ASB4: variants seen among roughly 807,000 people sequenced by gnomAD.
The protein encoded by ASB4 is ankyrin repeat and SOCS box protein 4.
A neutral mutation model predicts 38.6 loss-of-function variants in ASB4; 35 were observed. That is an observed-to-expected ratio of 0.91 (90% CI 0.69 to 1.20). ASB4 has a LOEUF of 1.20. ASB4 is among the 50% of genes most tolerant of loss of function. The pLI is 0.00. For missense variants in ASB4, 557 were observed against 527.2 expected (o/e 1.06, Z -0.55); for synonymous variants, 195 against 201.3 (o/e 0.97, Z 0.26).
downstream of ASB4, among the ~76,000 whole-genome samples, chr7:95,544,715 G>T (rs1440240574): frequency 6.6e-6 from 1 of 151,882 alleles, no homozygotes; most frequent in Non-Finnish European, 1.5e-5. Flanking sequence ...ATTTTTTTGA[G>T]ATGGGGTCTC....
chr7:95,520,370 A>G (rs144766576), intron 2 of ASB4, among the ~76,000 whole-genome samples: 1 of 152,338 alleles, frequency 6.6e-6, no homozygotes, highest in African/African-American at 2.4e-5. Flanking sequence ...CTACAAACTC[A>G]GGTTTATTGG....
At position 95,491,485 on chromosome 7, in the gene ASB4, G is replaced by T. The variant is rs564746825; in HGVS notation, c.188-4273G>T. On this transcript the variant is annotated intron_variant, in intron 1 of 4. Coordinates refer to ENST00000325885, the MANE Select transcript of ASB4 (RefSeq NM_016116.3). ...AAAAGGGCAGCCTGAAGTCTGCAGA[G>T]GTGAGCAGAGGGGGGCTTTTGAAAG... Among the ~76,000 whole-genome samples the T allele has an allele frequency of 5.9e-5, 9 of 152,322 alleles. No individual in the cohort carries two copies. In the South Asian group the frequency reaches 1.9e-3, roughly 32 times the overall value.
chr7:95,527,221 G>T (rs1359284820), intron 2 of ASB4, among the ~76,000 whole-genome samples: 1 of 151,806 alleles, frequency 6.6e-6, no homozygotes, highest in African/African-American at 2.4e-5. Context: ...ACAGGCATAT[G>T]TGGTGGTGGT....
upstream of ASB4, among the ~76,000 whole-genome samples, chr7:95,482,514 T>C (rs1790028814): frequency 6.6e-6 from 1 of 152,150 alleles, no homozygotes; most frequent in Non-Finnish European, 1.5e-5. Context: ...ATGCAGACAC[T>C]TACAAAGACA....
At chr7:95,549,390 G>A in the ASB4 span, among the ~76,000 whole-genome samples, 4 of 142,954 alleles carry the variant, frequency 2.8e-5, 1 homozygote, top group South Asian at 6.8e-4. Context: ...TCCGCCTCCC[G>A]GGTTCACCCC....
chr7:95,501,928 G>T (rs886827818), intron 2 of ASB4, among the ~76,000 whole-genome samples: 2 of 152,110 alleles, frequency 1.3e-5, no homozygotes, highest in African/African-American at 4.8e-5. Context: ...TGTCATCAAA[G>T]GCCGAATTCA....
At chr7:95,480,504 A>G (rs900335445) in intron 1 of ASB4, among the ~76,000 whole-genome samples, 4 of 152,222 alleles carry the variant, frequency 2.6e-5, no homozygotes, top group African/African-American at 7.2e-5. Flanking sequence ...AGGTTAGGTC[A>G]CAAAAGATGT....
At chr7:95,489,183 C>T (rs1314436237) in intron 1 of ASB4, among the ~76,000 whole-genome samples, 1 of 152,190 alleles carries the variant, frequency 6.6e-6, no homozygotes, top group Admixed American at 6.5e-5. Context: ...CTAAATAGTG[C>T]TTCCCAAATT....
At chr7:95,523,870 T>C (rs117304132) in intron 2 of ASB4, among the ~76,000 whole-genome samples, 1,993 of 152,310 alleles carry the variant, frequency 0.013, 60 homozygotes, top group Admixed American at 0.056. Flanking sequence ...TATAAAAGCA[T>C]TGTTGGTCAG....
At chr7:95,531,690 C>T (rs1200157984) in intron 3 of ASB4, among the ~76,000 whole-genome samples, 2 of 152,138 alleles carry the variant, frequency 1.3e-5, no homozygotes, top group African/African-American at 2.4e-5. Context: ...GTGTGAGTCC[C>T]TGCCCAGAGA....
chr7:95,524,576 C>G (rs1281060434), intron 2 of ASB4, among the ~76,000 whole-genome samples: 1 of 152,150 alleles, frequency 6.6e-6, no homozygotes, highest in Non-Finnish European at 1.5e-5. Context: ...GCGCCACCCC[C>G]CAAAACACAC....
chr7:95,527,798 A>G lies in ASB4; in HGVS notation c.488-15A>G. On this transcript the variant is annotated splice_polypyrimidine_tract_variant and intron_variant, in intron 2 of 4. Coordinates refer to ENST00000325885, the MANE Select transcript of ASB4 (RefSeq NM_016116.3). ...ACATGTTTAAATAATTGTCTTCCTC[A>G]ATTTCCCTTTATAGGGGCGAATGTG... is the stretch of plus-strand genomic sequence containing the variant. The G allele has an allele frequency of 6.3e-7, 1 of 1,579,052 alleles. No homozygotes were observed. The highest frequency in any genetic ancestry group is 1.1e-5 in the South Asian group (1 of 88,726).
chr7:95,537,542 A>G, intron 4 of ASB4, 29 bp from the exon 5 acceptor site: 1 of 1,566,832 alleles, frequency 6.4e-7, no homozygotes, highest in African/African-American at 1.4e-5. Flanking sequence ...GGCCTTGCTA[A>G]CTTTAATTTG....
At chr7:95,490,805 AAC>A (rs1370035227) in intron 1 of ASB4, among the ~76,000 whole-genome samples, 7 of 152,378 alleles carry the variant, frequency 4.6e-5, no homozygotes, top group Non-Finnish European at 8.8e-5. Flanking sequence ...ATTTAAATTA[AAC>A]ACACACGCGC....
chr7:95,487,996 C>G (rs1338650349), intron 1 of ASB4, among the ~76,000 whole-genome samples: 1 of 152,200 alleles, frequency 6.6e-6, no homozygotes, highest in Non-Finnish European at 1.5e-5. Context: ...CACATGGGCA[C>G]AAGGACCTGT....
At chr7:95,540,384 T>C (rs1386689470), downstream of ASB4, among the ~76,000 whole-genome samples, 1 of 152,158 alleles carries the variant, frequency 6.6e-6, no homozygotes, top group Non-Finnish European at 1.5e-5. Context: ...ATAAATAATG[T>C]TTTCAAAAGA....
chr7:95,525,489 T>C (rs1442869854), intron 2 of ASB4, among the ~76,000 whole-genome samples: 2 of 151,938 alleles, frequency 1.3e-5, no homozygotes, highest in Non-Finnish European at 1.5e-5. Context: ...AATTCAAGTA[T>C]AAAAATAAGG....
At chr7:95,479,101 C>T (rs1277243473) in intron 1 of ASB4, among the ~76,000 whole-genome samples, 2 of 152,022 alleles carry the variant, frequency 1.3e-5, no homozygotes, top group African/African-American at 4.8e-5. Context: ...AGAAAAAAGC[C>T]CTAAAGGCTG....
intron 2 of ASB4, among the ~76,000 whole-genome samples, chr7:95,513,577 A>C (rs1790515399): frequency 1.3e-5 from 2 of 152,142 alleles, no homozygotes; most frequent in Non-Finnish European, 2.9e-5. Flanking sequence ...TTGCTGATTT[A>C]CATGTGAATC....
Sources: gnomAD v4.1 joint callset for allele counts (sites outside exome capture counted in the v4.1 genomes callset) on GRCh38, gnomAD v4.1.1 for gene constraint, MANE v1.5 for transcripts, NCBI Gene and HGNC (gene_info 2026-07-23, HGNC 2026-07-21) for gene names.